Variants in RANBP2 observed in about 807,000 individuals in gnomAD.
RANBP2 encodes the protein RAN binding protein 2, also known as E3 SUMO-protein ligase RanBP2.
In RANBP2, 57 loss-of-function variants were observed where a neutral mutation model predicts 303.6. That is an observed-to-expected ratio of 0.19 (90% CI 0.15 to 0.23). The LOEUF (loss-of-function observed/expected upper bound fraction) is 0.23, where lower values mean the gene tolerates loss of function less well. Ranked by LOEUF, RANBP2 falls within the 10% of genes least tolerant of loss-of-function variation. The pLI, the probability that RANBP2 is intolerant of heterozygous loss-of-function variation, is 1.00. For synonymous variants in RANBP2, 1,167 were observed against 1,301.5 expected (o/e 0.90, Z 2.23); for missense variants, 3,138 against 3,780.8 (o/e 0.83, Z 4.46).
the RANBP2 span, among the ~76,000 whole-genome samples, chr2:108,987,623 C>T: frequency 5.6e-3 from 854 of 152,356 alleles, 5 homozygotes; most frequent in African/African-American, 0.019. Flanking sequence ...ACTGGTCCTT[C>T]CAAGATTATC....
chr2:109,046,315 AAG>A, the RANBP2 span, among the ~76,000 whole-genome samples: 2 of 150,748 alleles, frequency 1.3e-5, no homozygotes, highest in Non-Finnish European at 3.0e-5. Context: ...AAAAAAAAAA[AAG>A]AAAAAAAATC....
chr2:109,547,993 G>T, the RANBP2 span, among the ~76,000 whole-genome samples: 1 of 152,138 alleles, frequency 6.6e-6, no homozygotes, highest in African/African-American at 2.4e-5. Context: ...TAGGAGCTAT[G>T]TCTTTTTCAT....
chr2:109,292,020 C>T, the RANBP2 span, among the ~76,000 whole-genome samples: 14 of 152,220 alleles, frequency 9.2e-5, no homozygotes, highest in South Asian at 6.2e-4. Context: ...CACGCCACCA[C>T]GCCCAGCTAA....
At chr2:108,913,755 C>A in the RANBP2 span, among the ~76,000 whole-genome samples, 1 of 152,024 alleles carries the variant, frequency 6.6e-6, no homozygotes, top group African/African-American at 2.4e-5. Flanking sequence ...TCAAGATCAT[C>A]CTGGCTAACA....
the RANBP2 span, among the ~76,000 whole-genome samples, chr2:109,077,666 G>A: frequency 4.4e-4 from 66 of 150,368 alleles, no homozygotes; most frequent in East Asian, 2.5e-3. Context: ...GATAGTTTTC[G>A]AAAGAGGACA....
the RANBP2 span, among the ~76,000 whole-genome samples, chr2:109,287,796 G>A: frequency 9.2e-5 from 14 of 152,214 alleles, no homozygotes; most frequent in South Asian, 4.1e-4. Context: ...TTAAAGCTTC[G>A]CACTGTTGCC....
the RANBP2 span, among the ~76,000 whole-genome samples, chr2:109,137,879 C>T: frequency 1.3e-5 from 2 of 152,236 alleles, no homozygotes; most frequent in African/African-American, 4.8e-5. Context: ...TTGGAGTGCT[C>T]ACCCATGTGG....
chr2:109,053,134 A>C, the RANBP2 span, among the ~76,000 whole-genome samples: 1 of 152,194 alleles, frequency 6.6e-6, no homozygotes, highest in African/African-American at 2.4e-5. Flanking sequence ...AGTATCCTCC[A>C]GGTACTGGAT....
chr2:109,778,455 G>C, the RANBP2 span, among the ~76,000 whole-genome samples: 1 of 149,812 alleles, frequency 6.7e-6, no homozygotes, highest in African/African-American at 2.5e-5. Context: ...CTCAACAAAG[G>C]TGATTTTCTT....
At chr2:108,925,147 C>T in the RANBP2 span, among the ~76,000 whole-genome samples, 2 of 150,708 alleles carry the variant, frequency 1.3e-5, no homozygotes, top group South Asian at 2.1e-4. Context: ...ATTGGTCCCG[C>T]TCCTGGGCTG....
chr2:108,942,950 C>G, the RANBP2 span, among the ~76,000 whole-genome samples: 3 of 152,246 alleles, frequency 2.0e-5, no homozygotes, highest in Admixed American at 1.3e-4. Context: ...TTAGACCATG[C>G]CTTCCCGGCC....
the RANBP2 span, among the ~76,000 whole-genome samples, chr2:109,743,009 A>T: frequency 3.3e-3 from 497 of 148,658 alleles, 26 homozygotes; most frequent in Non-Finnish European, 5.0e-3. Context: ...GGTGGCTCAC[A>T]CCTGTAATCC....
At chr2:109,117,407 C>A in the RANBP2 span, among the ~76,000 whole-genome samples, 2 of 152,318 alleles carry the variant, frequency 1.3e-5, no homozygotes, top group Non-Finnish European at 2.9e-5. Flanking sequence ...TAGCAATCAG[C>A]GAGACTCCAT....
At chr2:109,614,564 C>CG in the RANBP2 span, 1 of 1,335,504 alleles carries the variant, frequency 7.5e-7, no homozygotes, top group Non-Finnish European at 9.5e-7. Context: ...TGGCGGAGCG[C>CG]GGGGGCCGGG....
chr2:109,639,237 T>C, the RANBP2 span, among the ~76,000 whole-genome samples: 1 of 152,242 alleles, frequency 6.6e-6, no homozygotes, highest in African/African-American at 2.4e-5. Flanking sequence ...GGTGTTTCTC[T>C]ACCTCAGTAG....
the RANBP2 span, among the ~76,000 whole-genome samples, chr2:108,827,611 C>T: frequency 2.6e-4 from 39 of 150,818 alleles, 1 homozygote; most frequent in Admixed American, 1.7e-3. Flanking sequence ...GGTCAGGAGA[C>T]GGAGACTATC....
chr2:109,306,891 T>C, the RANBP2 span, among the ~76,000 whole-genome samples: 3 of 152,306 alleles, frequency 2.0e-5, no homozygotes, highest in Non-Finnish European at 4.4e-5. Flanking sequence ...GGGTGTGCGG[T>C]GTACGGTAGG....
chr2:109,116,126 G>A, the RANBP2 span, among the ~76,000 whole-genome samples: 2 of 152,040 alleles, frequency 1.3e-5, no homozygotes, highest in African/African-American at 2.4e-5. Flanking sequence ...TGCTCTTCTC[G>A]AGGAGTATCT....
At chr2:109,266,875 A>G in the RANBP2 span, among the ~76,000 whole-genome samples, 1 of 152,180 alleles carries the variant, frequency 6.6e-6, no homozygotes, top group Non-Finnish European at 1.5e-5. Flanking sequence ...ACTGCTGCAG[A>G]CCGCCTCCCA....
Sources: gnomAD v4.1 joint callset for allele counts (sites outside exome capture counted in the v4.1 genomes callset) on GRCh38, gnomAD v4.1.1 for gene constraint, MANE v1.5 for transcripts, NCBI Gene and HGNC (gene_info 2026-07-23, HGNC 2026-07-21) for gene names.